Variants in SYNE1 observed in about 807,000 individuals in gnomAD.
The protein encoded by SYNE1 is spectrin repeat containing nuclear envelope protein 1.
Under a neutral mutation model 1,111.0 loss-of-function variants are expected in SYNE1, and 616 were observed. The observed-to-expected ratio is 0.55, with a 90% CI of 0.52 to 0.59. The LOEUF is 0.59. SYNE1 is among the 20% of genes least tolerant of loss of function. The pLI is 0.00. For missense variants in SYNE1, 10,006 were observed against 10,417.0 expected (o/e 0.96, Z 1.72); for synonymous variants, 3,855 against 3,825.8 (o/e 1.01, Z -0.28).
intron 59 of SYNE1, among the ~76,000 whole-genome samples, chr6:152,371,422 C>G (rs1591335535): frequency 6.6e-6 from 1 of 151,658 alleles, no homozygotes; most frequent in East Asian, 2.0e-4. Flanking sequence ...GAGGCCTCCC[C>G]AGCCCTGCAG....
chr6:152,542,072 G>A (rs886175745), intron 3 of SYNE1, among the ~76,000 whole-genome samples: 3 of 152,064 alleles, frequency 2.0e-5, no homozygotes, highest in South Asian at 2.1e-4. Flanking sequence ...ACTAGTAAAC[G>A]CTATGTTGTG....
intron 131 of SYNE1, among the ~76,000 whole-genome samples, chr6:152,156,641 G>C (rs2061427261): frequency 6.6e-6 from 1 of 152,142 alleles, no homozygotes; most frequent in African/African-American, 2.4e-5. Context: ...TTCTTATACT[G>C]TATTGTTTAG....
intron 29 of SYNE1, among the ~76,000 whole-genome samples, 166 bp downstream of exon 29, chr6:152,447,292 C>T (rs2098601146): frequency 6.6e-6 from 1 of 152,158 alleles, no homozygotes; most frequent in African/African-American, 2.4e-5. Context: ...ATCAAACATC[C>T]TCTTCATCTT....
At chr6:152,355,464 GA>G (rs2096820896) in intron 66 of SYNE1, among the ~76,000 whole-genome samples, 1 of 152,174 alleles carries the variant, frequency 6.6e-6, no homozygotes, top group Non-Finnish European at 1.5e-5. Context: ...TGGTGGCCAA[GA>G]AAATTTGAAA....
At chr6:152,225,574 A>AT in intron 116 of SYNE1, 147 bp downstream of exon 116, 1 of 916,516 alleles carries the variant, frequency 1.1e-6, no homozygotes, top group Non-Finnish European at 1.7e-6. Flanking sequence ...AAAAAAAAAA[A>AT]GAGGATAACG....
intron 128 of SYNE1, 80 bp from the exon 129 acceptor site, chr6:152,180,374 T>A: frequency 7.3e-7 from 1 of 1,366,780 alleles, no homozygotes; most frequent in Non-Finnish European, 1.0e-6. Flanking sequence ...GCAAATAAAC[T>A]AGGACTAAAA....
In SYNE1 at chr6:152,484,870, A is replaced by G. The variant is rs143920309; in HGVS notation, c.1150T>C (p.Leu384=). ...ACTCTATCCCAAGATTGTTTTACCA[A>G]TGCTTGGTCAAGTGACAATTTACCG... is the stretch of plus-strand genomic sequence containing the variant. ...RDGKLSLDQA[L]VKQSWDRVTS... is the part of the protein sequence containing the mutation. Residue 384 remains leucine, a synonymous_variant, in exon 13 of 146, where the codon TTG becomes CTG. Transcript: ENST00000367255. The G allele has an allele frequency of 6.2e-7, 1 of 1,613,870 alleles. No individual in the cohort carries two copies. Among genetic ancestry groups the G allele is most frequent in the African/African-American group, 1.3e-5 (1 of 74,940 alleles).
Position 152,520,543 on chromosome 6 carries a change from C to CT in SYNE1, c.226-2dup, listed in dbSNP as rs774388631. ...TCATCCGGCGTCCTTGTTCACAAGG[C>CT]TGTAAAAAGTGGGGTAAAAAAGGGA... On this transcript the variant is annotated splice_acceptor_variant, in intron 5 of 145. Transcript: ENST00000367255. LOFTEE classifies it high-confidence loss of function. 1.6e-4 allele frequency: 261 copies of CT among 1,613,488 alleles called. No homozygotes were observed. The highest frequency in any genetic ancestry group is 2.0e-4 in the Non-Finnish European group (238 of 1,179,630).
chr6:152,392,764 A>G (rs1466683285), intron 51 of SYNE1, among the ~76,000 whole-genome samples: 1 of 152,258 alleles, frequency 6.6e-6, no homozygotes, highest in East Asian at 1.9e-4. Flanking sequence ...TGAGACAAGA[A>G]GGTGGCTTAA....
At chr6:152,370,295 G>A (rs2097158440) in intron 59 of SYNE1, among the ~76,000 whole-genome samples, 1 of 152,118 alleles carries the variant, frequency 6.6e-6, no homozygotes, top group Non-Finnish European at 1.5e-5. Context: ...TAGACTGCAA[G>A]CTCCATGAGG....
In SYNE1 at chr6:152,180,164, A is replaced by G. The variant is rs1188694226; in HGVS notation, c.23432T>C (p.Ile7811Thr). Reference protein sequence around the residue: ...SKVSQNGDILIEEMIEKLKKD... With the variant: ...SKVSQNGDILTEEMIEKLKKD... ...CTTGAGCTTCTCTATCATTTCTTCAATGAGAATGTCTCCATTCTGAGAAAC... is the reference window on the plus strand; with the variant it reads ...CTTGAGCTTCTCTATCATTTCTTCAGTGAGAATGTCTCCATTCTGAGAAAC... The change falls in exon 129 of 146, where the codon ATT becomes ACT. Residue 7811 changes from isoleucine to threonine, a missense_variant. Ile to Thr is a moderately conservative substitution (Grantham distance 89). This residue lies in a region of SYNE1 where 2,182 missense variants were observed against 2,287.8 expected (regional missense o/e 0.95). Transcript: ENST00000367255. The G allele has an allele frequency of 1.2e-6, 2 of 1,614,018 alleles. No homozygotes were observed. The highest frequency in any genetic ancestry group is 2.7e-5 in the African/African-American group (2 of 74,928).
chr6:152,451,695 T>C (rs2098652335), intron 25 of SYNE1, among the ~76,000 whole-genome samples: 1 of 151,924 alleles, frequency 6.6e-6, no homozygotes, highest in Non-Finnish European at 1.5e-5. Context: ...TTGGTCAGGA[T>C]GGTCTTGAAC....
intron 31 of SYNE1, 100 bp from the exon 32 acceptor site, chr6:152,441,370 A>T: frequency 8.0e-7 from 1 of 1,248,704 alleles, no homozygotes; most frequent in Non-Finnish European, 1.1e-6. Context: ...GCGAATTCTC[A>T]TTTCAAATTT....
intron 31 of SYNE1, among the ~76,000 whole-genome samples, 178 bp from the exon 32 acceptor site, chr6:152,441,448 G>A (rs1415894754): frequency 1.3e-5 from 2 of 152,050 alleles, no homozygotes; most frequent in East Asian, 3.9e-4. Context: ...CTATGTTAAT[G>A]TTTTCATCTA....
rs1554549136 is a variant in SYNE1 at position 152,364,726 on chromosome 6, A to AGGG, written c.10145+120_10145+121insCCC. The AGGG allele has an allele frequency of 2.9e-4, 107 of 370,094 alleles. 1 individual carries two copies. The highest frequency in any genetic ancestry group is 4.5e-4 in the Non-Finnish European group (95 of 213,068). The allele number at this position is 370,094 out of a possible 1,614,324, so 22.9% of individuals were successfully genotyped here. A position where few individuals can be genotyped will look rare whatever the true frequency, so the allele number is the denominator to read the frequency against. On this transcript the variant is annotated intron_variant, in intron 63 of 145. Coordinates refer to ENST00000367255, the MANE Select transcript of SYNE1 (RefSeq NM_182961.4). Reference sequence around the variant, plus strand: ...GAAGGAAGGAAGGAAGGAAGGAAGGAAGGGAGGAAGGAAAGGAAAGGGAAG... The same window carrying AGGG: ...GAAGGAAGGAAGGAAGGAAGGAAGGAGGGAGGGAGGAAGGAAAGGAAAGGGAAG...
At chr6:152,280,576 T>C (rs374470754) in intron 97 of SYNE1, among the ~76,000 whole-genome samples, 1 of 152,200 alleles carries the variant, frequency 6.6e-6, no homozygotes. Context: ...AACACTATTT[T>C]AATACTTTGG....
At chr6:152,419,231 T>C (rs2154186217) in intron 40 of SYNE1, among the ~76,000 whole-genome samples, 1 of 152,308 alleles carries the variant, frequency 6.6e-6, no homozygotes, top group African/African-American at 2.4e-5. Context: ...TTAAAGTATT[T>C]GAATTCAGTA....
At chr6:152,213,788 G>T in intron 122 of SYNE1, 29 bp from the exon 123 acceptor site, 1 of 1,613,720 alleles carries the variant, frequency 6.2e-7, no homozygotes. Flanking sequence ...AGGAACAATG[G>T]TTATTTCACT....
At chr6:152,522,574 G>C (rs900224946) in intron 5 of SYNE1, among the ~76,000 whole-genome samples, 2 of 152,156 alleles carry the variant, frequency 1.3e-5, no homozygotes, top group Non-Finnish European at 2.9e-5. Flanking sequence ...TAGACACCCA[G>C]TAGTGGGATT....
Sources: allele counts gnomAD v4.1 joint callset (sites outside exome capture counted in the v4.1 genomes callset), GRCh38; gene constraint gnomAD v4.1.1; regional missense constraint gnomAD v4.1.1; transcripts MANE v1.5; gene names NCBI Gene and HGNC (gene_info 2026-07-23, HGNC 2026-07-21).